Variants in MARCHF8 observed in about 807,000 individuals in gnomAD.
MARCHF8 encodes E3 ubiquitin-protein ligase MARCHF8.
A neutral mutation model predicts 51.6 loss-of-function variants in MARCHF8; 40 were observed. That is an observed-to-expected ratio of 0.77 (90% confidence interval 0.60 to 1.01). MARCHF8 has a LOEUF of 1.01. Ranked by LOEUF, MARCHF8 falls within the 50% of genes least tolerant of loss-of-function variation. MARCHF8 has a pLI of 0.00. For synonymous variants in MARCHF8, 263 were observed against 280.3 expected, an observed-to-expected ratio of 0.94 and a Z score of 0.62; for missense variants, 685 against 708.6, an observed-to-expected ratio of 0.97 and a Z score of 0.38.
intron 2 of MARCHF8, among the ~76,000 whole-genome samples, chr10:45,514,393 A>G (rs1589141169): frequency 2.0e-5 from 3 of 152,266 alleles, no homozygotes. Flanking sequence ...GCTTCCCCGC[A>G]ACATGGTCCC....
At chr10:45,506,899 T>C (rs2043396354) in intron 2 of MARCHF8, among the ~76,000 whole-genome samples, 1 of 152,240 alleles carries the variant, frequency 6.6e-6, no homozygotes, top group Non-Finnish European at 1.5e-5. Flanking sequence ...CTCAGAGGCC[T>C]GACAAATATA....
At chr10:45,473,553 T>C (rs189495107) in intron 3 of MARCHF8, among the ~76,000 whole-genome samples, 13 of 152,172 alleles carry the variant, frequency 8.5e-5, no homozygotes, top group Non-Finnish European at 1.3e-4. Flanking sequence ...TAAAATAACA[T>C]TGTGTCTATG....
chr10:45,555,728 T>C (rs576422430), intron 1 of MARCHF8, among the ~76,000 whole-genome samples: 1 of 146,682 alleles, frequency 6.8e-6, no homozygotes, highest in African/African-American at 2.5e-5. Flanking sequence ...TGAGCGACAT[T>C]GTAAGACCCT....
At chr10:45,512,915 G>A (rs1191845592) in intron 2 of MARCHF8, among the ~76,000 whole-genome samples, 11 of 151,950 alleles carry the variant, frequency 7.2e-5, no homozygotes, top group South Asian at 2.1e-4. Context: ...CTGTTGATCG[G>A]TGACCTTACC....
rs376855915 is a variant in MARCHF8 at position 45,489,343 on chromosome 10, T to C, written c.153+24A>G. Reference sequence around the variant, plus strand: ...AACAGAAAAGACTCAAGGTAATAAATAACATTTTTCAGTGGCACTCTACCT... The same window carrying C: ...AACAGAAAAGACTCAAGGTAATAAACAACATTTTTCAGTGGCACTCTACCT... On this transcript the variant is annotated intron_variant, in intron 3 of 7. Coordinates refer to ENST00000453424, the MANE Select transcript of MARCHF8 (RefSeq NM_001282866.2). The C allele has an allele frequency of 2.3e-5, 36 of 1,585,664 alleles. No individual in the cohort carries two copies. The Middle Eastern group carries it at 5.0e-4, about 22-fold the overall frequency.
At chr10:45,566,901 A>C (rs1370795146) in intron 1 of MARCHF8, among the ~76,000 whole-genome samples, 2 of 152,270 alleles carry the variant, frequency 1.3e-5, no homozygotes, top group East Asian at 3.9e-4. Flanking sequence ...CATTCCTACC[A>C]ACAGTGTATG....
rs2043100822 is a variant in MARCHF8 at position 45,492,474 on chromosome 10, T to C, written c.103-3057A>G. On this transcript the variant is annotated intron_variant, in intron 2 of 7. Transcript: ENST00000453424. Reference sequence around the variant, plus strand: ...CACCATGTCCGGCTCAGTTTTTGTATTTTTAGTAGAGACGGGGTTTCACTG... The same window carrying C: ...CACCATGTCCGGCTCAGTTTTTGTACTTTTAGTAGAGACGGGGTTTCACTG... 2.6e-5 allele frequency among the ~76,000 whole-genome samples: 4 copies of C among 152,236 alleles called. No homozygotes were observed. In the South Asian group the frequency reaches 8.3e-4, roughly 32 times the overall value.
intron 6 of MARCHF8, 98 bp from the exon 7 acceptor site, chr10:45,459,365 C>T: frequency 1.5e-6 from 2 of 1,328,600 alleles, no homozygotes; most frequent in East Asian, 2.5e-5. Context: ...TTCCACCCCA[C>T]TTCTCCCTTC....
At chr10:45,582,114 C>T (rs1244327352) in intron 1 of MARCHF8, among the ~76,000 whole-genome samples, 1 of 152,146 alleles carries the variant, frequency 6.6e-6, no homozygotes, top group African/African-American at 2.4e-5. Flanking sequence ...AGAAGCCATC[C>T]AGTACTATCC....
intron 1 of MARCHF8, among the ~76,000 whole-genome samples, chr10:45,570,933 C>G (rs958149609): frequency 6.6e-6 from 1 of 151,714 alleles, no homozygotes; most frequent in African/African-American, 2.4e-5. Flanking sequence ...AAAGAAATAC[C>G]TAAGTAAATG....
chr10:45,566,784 G>A (rs890270625), intron 1 of MARCHF8, among the ~76,000 whole-genome samples: 6 of 149,048 alleles, frequency 4.0e-5, no homozygotes, highest in Admixed American at 3.3e-4. Flanking sequence ...GGGGGGAGGG[G>A]GGGAGGGTAT....
At chr10:45,593,564 T>C (rs995682391) in intron 1 of MARCHF8, 2 of 152,246 alleles carry the variant, frequency 1.3e-5, no homozygotes, top group African/African-American at 2.4e-5. Flanking sequence ...GTTTTTCAGA[T>C]ATGTCCTAAC....
chr10:45,570,422 T>C (rs1018305849), intron 1 of MARCHF8, among the ~76,000 whole-genome samples: 1 of 152,184 alleles, frequency 6.6e-6, no homozygotes, highest in Non-Finnish European at 1.5e-5. Context: ...CGAAGTTCCA[T>C]ATCCATTCCG....
chr10:45,560,629 C>A (rs1482929512), intron 1 of MARCHF8, among the ~76,000 whole-genome samples: 1 of 152,184 alleles, frequency 6.6e-6, no homozygotes, highest in Non-Finnish European at 1.5e-5. Context: ...CTAGCCCGCT[C>A]CCCTAGCTCA....
chr10:45,588,593 G>T (rs2133442722), intron 1 of MARCHF8, among the ~76,000 whole-genome samples: 1 of 152,266 alleles, frequency 6.6e-6, no homozygotes, highest in South Asian at 2.1e-4. Flanking sequence ...TGTAATAAAA[G>T]AAATTTTAGC....
intron 3 of MARCHF8, among the ~76,000 whole-genome samples, chr10:45,468,284 G>A (rs1348161997): frequency 1.3e-5 from 2 of 152,200 alleles, no homozygotes; most frequent in African/African-American, 4.8e-5. Context: ...GAGAGTGCCT[G>A]CTGTCGCTGG....
intron 5 of MARCHF8, 70 bp downstream of exon 5, chr10:45,463,081 C>A: frequency 6.8e-7 from 1 of 1,471,054 alleles, no homozygotes; most frequent in Non-Finnish European, 9.0e-7. Context: ...TGAAACTTCA[C>A]ATACTAAAGC....
intron 1 of MARCHF8, among the ~76,000 whole-genome samples, chr10:45,552,159 C>T (rs2044203009): frequency 2.0e-5 from 3 of 151,992 alleles, no homozygotes; most frequent in Admixed American, 6.6e-5. Flanking sequence ...CCTTTCTGCA[C>T]CATTGACTGT....
At chr10:45,480,238 A>T (rs970672577) in intron 3 of MARCHF8, among the ~76,000 whole-genome samples, 7 of 152,206 alleles carry the variant, frequency 4.6e-5, no homozygotes, top group African/African-American at 1.7e-4. Flanking sequence ...ATTCAGTTTT[A>T]AAAAGTTTTA....
Sources: gnomAD v4.1 joint callset for allele counts (sites outside exome capture counted in the v4.1 genomes callset) on GRCh38, gnomAD v4.1.1 for gene constraint, MANE v1.5 for transcripts, NCBI Gene and HGNC (gene_info 2026-07-23, HGNC 2026-07-21) for gene names.